The following LRRTM4 variants were observed in gnomAD, a reference collection of about 807,000 sequenced individuals.
The protein encoded by LRRTM4 is leucine-rich repeat transmembrane neuronal protein 4.
A neutral mutation model predicts 47.6 loss-of-function variants in LRRTM4; 25 were observed. The ratio of observed to expected loss-of-function variants is 0.53; its 90% CI spans 0.38 to 0.73. The LOEUF (loss-of-function observed/expected upper bound fraction) is 0.73, where lower values mean the gene tolerates loss of function less well. Ranked by LOEUF, LRRTM4 falls within the 30% of genes least tolerant of loss-of-function variation. LRRTM4 has a pLI of 0.00. For missense variants in LRRTM4, 638 were observed against 713.4 expected (o/e 0.89, Z 1.20); for synonymous variants, 311 against 269.5 (o/e 1.15, Z -1.51).
At chr2:77,278,848 C>T (rs1676435514) in intron 3 of LRRTM4, among the ~76,000 whole-genome samples, 1 of 152,006 alleles carries the variant, frequency 6.6e-6, no homozygotes, top group African/African-American at 2.4e-5. Context: ...ACCGTCATGG[C>T]CTTCACCATT....
intron 3 of LRRTM4, among the ~76,000 whole-genome samples, chr2:76,878,259 T>C (rs1440558429): frequency 2.6e-5 from 4 of 152,158 alleles, no homozygotes; most frequent in Non-Finnish European, 4.4e-5. Context: ...ATGTTCTGAT[T>C]GTTGCACTGA....
intron 3 of LRRTM4, among the ~76,000 whole-genome samples, chr2:77,171,798 T>C (rs1386791354): frequency 1.3e-5 from 2 of 152,034 alleles, no homozygotes; most frequent in Admixed American, 6.6e-5. Context: ...AAAGAAAAAG[T>C]CATGAAAGGC....
At position 77,163,078 on chromosome 2, in the gene LRRTM4, G is replaced by A. The variant is rs186439101; in HGVS notation, c.1551+355240C>T. Among the ~76,000 whole-genome samples, 474 of 152,150 alleles carry A rather than the reference G, an allele frequency of 3.1e-3. 12 individuals carry two copies. The highest frequency in any genetic ancestry group is 0.03 in the Admixed American group (451 of 15,280). ...CCATCACAAAGAAGTTAAAACCCTT[G>A]AAAAAAGATTAGACAAATGGCTAAC... On this transcript the variant is annotated intron_variant, in intron 3 of 3. Transcript: ENST00000409884.
At chr2:76,865,663 A>G (rs1375238184) in intron 3 of LRRTM4, among the ~76,000 whole-genome samples, 1 of 152,200 alleles carries the variant, frequency 6.6e-6, no homozygotes, top group African/African-American at 2.4e-5. Flanking sequence ...TTTAGAATAA[A>G]AGGAATCTCT....
At chr2:77,044,266 T>C (rs918743616) in intron 3 of LRRTM4, among the ~76,000 whole-genome samples, 1 of 151,708 alleles carries the variant, frequency 6.6e-6, no homozygotes, top group Non-Finnish European at 1.5e-5. Context: ...AAGGTAATAT[T>C]ATTTTAATAA....
intron 3 of LRRTM4, among the ~76,000 whole-genome samples, chr2:77,048,375 G>T (rs1379363141): frequency 6.6e-6 from 1 of 151,886 alleles, no homozygotes; most frequent in Non-Finnish European, 1.5e-5. Context: ...GAATTATTTG[G>T]CATTAAAAAG....
intron 3 of LRRTM4, among the ~76,000 whole-genome samples, chr2:76,899,311 CCACACACACA>C (rs34031809): frequency 3.4e-4 from 46 of 136,458 alleles, no homozygotes; most frequent in Admixed American, 2.1e-3. Context: ...GACTAATAAA[CCACACACACA>C]CACACACACA....
At chr2:77,083,865 T>G (rs1680618784) in intron 3 of LRRTM4, among the ~76,000 whole-genome samples, 1 of 135,422 alleles carries the variant, frequency 7.4e-6, no homozygotes. Context: ...AGTGCAATGG[T>G]GAGATCTGGG....
At chr2:77,235,532 T>C (rs1675082540) in intron 3 of LRRTM4, among the ~76,000 whole-genome samples, 1 of 152,194 alleles carries the variant, frequency 6.6e-6, no homozygotes, top group Non-Finnish European at 1.5e-5. Flanking sequence ...TAGATCCCAC[T>C]GTCAATTTTT....
chr2:76,869,257 C>T (rs756950211), intron 3 of LRRTM4, among the ~76,000 whole-genome samples: 2 of 151,008 alleles, frequency 1.3e-5, no homozygotes, highest in African/African-American at 2.4e-5. Flanking sequence ...TGCAGTGAGC[C>T]GAGATCACAC....
chr2:76,930,574 C>T lies in LRRTM4; in HGVS notation c.1552-181658G>A, dbSNP rs530421902. ...ATTCTCTCTTGGTCATTGATTTCTC[C>T]GGGAGATTTTCTTCAAAATAGTTGG... On this transcript the variant is annotated intron_variant, in intron 3 of 3. Coordinates refer to ENST00000409884, the MANE Select transcript of LRRTM4 (RefSeq NM_001134745.3). Among the ~76,000 whole-genome samples, 10 of 152,180 alleles carry T rather than the reference C, an allele frequency of 6.6e-5. 2 individuals carry two copies. In the Middle Eastern group the frequency reaches 0.02, roughly 311 times the overall value.
intron 3 of LRRTM4, among the ~76,000 whole-genome samples, chr2:77,399,771 AT>A (rs1405431212): frequency 6.6e-6 from 1 of 151,940 alleles, no homozygotes; most frequent in African/African-American, 2.4e-5. Context: ...CAAGGACGAA[AT>A]CATTGTCCTT....
intron 3 of LRRTM4, among the ~76,000 whole-genome samples, chr2:77,016,578 C>T (rs959456455): frequency 3.3e-5 from 5 of 152,078 alleles, no homozygotes; most frequent in African/African-American, 1.2e-4. Context: ...CATCCATTTG[C>T]AGCTGGACTG....
intron 3 of LRRTM4, among the ~76,000 whole-genome samples, chr2:77,437,302 A>G (rs1675641540): frequency 6.6e-6 from 1 of 152,078 alleles, no homozygotes; most frequent in South Asian, 2.1e-4. Context: ...AATTTTAAAT[A>G]TGCTTTGCAT....
intron 3 of LRRTM4, among the ~76,000 whole-genome samples, chr2:77,207,173 C>T (rs903529478): frequency 1.4e-5 from 2 of 141,088 alleles, no homozygotes; most frequent in Admixed American, 1.4e-4. Flanking sequence ...TAGAAAATTT[C>T]AATTGATAAC....
At chr2:76,834,634 G>A (rs1006783490) in intron 3 of LRRTM4, among the ~76,000 whole-genome samples, 2 of 151,782 alleles carry the variant, frequency 1.3e-5, no homozygotes, top group Non-Finnish European at 2.9e-5. Context: ...CTAATCCTTG[G>A]CTCAAACTCT....
In LRRTM4 at chr2:77,518,972, C is replaced by T. The variant is rs765898069; in HGVS notation, c.897G>A (p.Ala299=). The part of the protein sequence containing the change: ...LTNISQETVN[A]WISLISITLS... ...ATGTGATGGATATTAATGATATCCA[C>T]GCATTGACAGTTTCCTGTGAGATAT... The change falls in exon 3 of 4, where the codon GCG becomes GCA. Residue 299 remains alanine, a synonymous_variant. Transcript: ENST00000409884. The T allele has an allele frequency of 4.3e-6, 7 of 1,611,684 alleles. No homozygotes were observed. Among genetic ancestry groups the T allele is most frequent in the South Asian group, 1.1e-5 (1 of 90,812 alleles).
chr2:76,879,119 A>C (rs887646946), intron 3 of LRRTM4, among the ~76,000 whole-genome samples: 1 of 152,178 alleles, frequency 6.6e-6, no homozygotes, highest in African/African-American at 2.4e-5. Context: ...CTGATGTATA[A>C]CTCTGCAGAA....
At chr2:77,215,399 T>C (rs965452738) in intron 3 of LRRTM4, among the ~76,000 whole-genome samples, 3 of 152,200 alleles carry the variant, frequency 2.0e-5, no homozygotes, top group Non-Finnish European at 2.9e-5. Flanking sequence ...TTCAAAGTTA[T>C]GTGGTACAAT....
Sources: allele counts gnomAD v4.1 joint callset (sites outside exome capture counted in the v4.1 genomes callset), GRCh38; gene constraint gnomAD v4.1.1; transcripts MANE v1.5; gene names NCBI Gene and HGNC (gene_info 2026-07-23, HGNC 2026-07-21).